HK1: variants seen among roughly 807,000 people sequenced by gnomAD.
The protein encoded by HK1 is hexokinase 1, also known as hexokinase-1.
HK1 carries 28 observed loss-of-function variants against 91.6 expected under a neutral mutation model. The ratio of observed to expected loss-of-function variants is 0.31; its 90% confidence interval spans 0.23 to 0.42. The LOEUF (loss-of-function observed/expected upper bound fraction) is 0.42. Among genes scored for constraint, HK1 ranks in the 10% least tolerant of loss-of-function variants. The pLI is 1.00. For missense variants in HK1, 770 were observed against 1,219.8 expected (o/e 0.63, Z 5.49); for synonymous variants, 430 against 468.1 (o/e 0.92, Z 1.05).
chr10:69,354,006 G>A (rs975494095), intron 2 of HK1, among the ~76,000 whole-genome samples: 3 of 152,202 alleles, frequency 2.0e-5, no homozygotes, highest in Admixed American at 6.5e-5. Flanking sequence ...ACGAGCCCTC[G>A]ACCTGTGGGA....
intron 3 of HK1, among the ~76,000 whole-genome samples, chr10:69,294,376 T>G (rs981945013): frequency 1.3e-5 from 2 of 152,168 alleles, no homozygotes; most frequent in African/African-American, 4.8e-5. Context: ...ATATGAGCTT[T>G]TCTCTTGATT....
upstream of HK1, chr10:69,316,150 G>T: frequency 1.3e-6 from 1 of 795,722 alleles, no homozygotes; most frequent in Non-Finnish European, 2.3e-6. Context: ...TGGACATGGT[G>T]GGGGCAGAGG....
At chr10:69,288,431 T>C (rs901697383) in intron 2 of HK1, among the ~76,000 whole-genome samples, 1 of 152,160 alleles carries the variant, frequency 6.6e-6, no homozygotes, top group East Asian at 1.9e-4. Context: ...CAACAGAAGC[T>C]GCAGTGAGCT....
intron 5 of HK1, among the ~76,000 whole-genome samples, chr10:69,307,027 A>C (rs1003208539): frequency 6.6e-6 from 1 of 152,152 alleles, no homozygotes; most frequent in Non-Finnish European, 1.5e-5. Context: ...AATTGAGAAG[A>C]GTAAGTTTAA....
chr10:69,287,904 T>C (rs764547908), intron 2 of HK1, among the ~76,000 whole-genome samples: 2 of 151,176 alleles, frequency 1.3e-5, no homozygotes, highest in African/African-American at 2.4e-5. Context: ...TTTGGGAGGC[T>C]GAGGCAGGGT....
chr10:69,313,607 C>T (rs867266734), upstream of HK1, among the ~76,000 whole-genome samples: 3 of 152,252 alleles, frequency 2.0e-5, no homozygotes, highest in South Asian at 2.1e-4. Flanking sequence ...GGATTACAGG[C>T]GTACACCACC....
intron 4 of HK1, chr10:69,296,476 G>C (rs1460888740): frequency 6.6e-6 from 1 of 152,096 alleles, no homozygotes. Flanking sequence ...ATAAGACTCG[G>C]TCTCCAGCCT....
At chr10:69,288,847 C>T (rs1407782525) in intron 3 of HK1, 9 of 1,247,810 alleles carry the variant, frequency 7.2e-6, no homozygotes, top group Non-Finnish European at 8.1e-6. Flanking sequence ...AGTGTAGTGG[C>T]GCGATCTCGG....
Position 69,364,838 on chromosome 10 carries a change from A to G in HK1, c.431A>G (p.Lys144Arg). The change falls in exon 4 of 18, where the codon AAG becomes AGG. Residue 144 changes from lysine to arginine, a missense_variant. Physicochemically the swap from Lys to Arg is conservative, Grantham distance 26 (BLOSUM62 2). Coordinates refer to ENST00000359426, the MANE Select transcript of HK1 (RefSeq NM_000188.3). ...LGDFMEKRKIKDKKLPVGFTF... is the reference protein window; with the variant it reads ...LGDFMEKRKIRDKKLPVGFTF... ...GATTTCATGGAGAAAAGGAAGATCA[A>G]GGACAAGAAGTTACCTGTGGGATTC... is the stretch of plus-strand genomic sequence containing the variant. 1 of 1,614,164 alleles carries G rather than the reference A, an allele frequency of 6.2e-7. No individual in the cohort carries two copies.
chr10:69,388,245 GC>G (rs771412724), intron 13 of HK1, among the ~76,000 whole-genome samples: 41 of 152,272 alleles, frequency 2.7e-4, no homozygotes, highest in Non-Finnish European at 3.8e-4. Context: ...TTGGAGACCA[GC>G]CTGGGTAACG....
chr10:69,290,025 C>T (rs1845225526), intron 3 of HK1, among the ~76,000 whole-genome samples: 1 of 152,088 alleles, frequency 6.6e-6, no homozygotes, highest in South Asian at 2.1e-4. Context: ...GTAGCGGGCT[C>T]ATTTCAAATT....
chr10:69,370,154 G>T (rs1849922907), intron 7 of HK1, among the ~76,000 whole-genome samples: 1 of 152,172 alleles, frequency 6.6e-6, no homozygotes. Context: ...ATTACACTAT[G>T]ATTGTGTCCT....
intron 1 of HK1, among the ~76,000 whole-genome samples, chr10:69,320,941 G>A (rs1846986109): frequency 6.6e-6 from 1 of 152,134 alleles, no homozygotes. Context: ...AGGTACCTGA[G>A]TGTGTGATTC....
At chr10:69,294,834 C>T (rs1468592673) in intron 3 of HK1, among the ~76,000 whole-genome samples, 1 of 151,900 alleles carries the variant, frequency 6.6e-6, no homozygotes, top group Non-Finnish European at 1.5e-5. Context: ...TGCACTCCAG[C>T]CTGGGCAACA....
At chr10:69,365,676 A>C (rs1190945488) in intron 4 of HK1, among the ~76,000 whole-genome samples, 2 of 152,088 alleles carry the variant, frequency 1.3e-5, no homozygotes, top group Non-Finnish European at 2.9e-5. Context: ...CCAGGAGTTC[A>C]AGACCAGCCT....
chr10:69,336,637 C>CTTTTTTT (rs56893382), intron 1 of HK1, among the ~76,000 whole-genome samples: 1 of 114,174 alleles, frequency 8.8e-6, no homozygotes, highest in Non-Finnish European at 1.8e-5. Context: ...TGGTAGATGC[C>CTTTTTTT]TTTTTTTTTT....
At chr10:69,344,869 C>G (rs76306429) in intron 2 of HK1, among the ~76,000 whole-genome samples, 149 of 152,262 alleles carry the variant, frequency 9.8e-4, no homozygotes, top group African/African-American at 3.3e-3. Flanking sequence ...GTGGGGCTCA[C>G]CTGCTGTAGG....
At chr10:69,272,070 G>T (rs1844200540) in intron 1 of HK1, among the ~76,000 whole-genome samples, 1 of 152,038 alleles carries the variant, frequency 6.6e-6, no homozygotes, top group South Asian at 2.1e-4. Context: ...TGCCATGTTG[G>T]CCAAGCTGGT....
intron 2 of HK1, among the ~76,000 whole-genome samples, chr10:69,352,389 C>T (rs1208036168): frequency 2.0e-5 from 3 of 152,172 alleles, no homozygotes; most frequent in African/African-American, 7.2e-5. Context: ...TTGAACAATG[C>T]CACAAAGTCG....
Sources: gnomAD v4.1 joint callset for allele counts (sites outside exome capture counted in the v4.1 genomes callset) on GRCh38, gnomAD v4.1.1 for gene constraint, MANE v1.5 for transcripts, NCBI Gene and HGNC (gene_info 2026-07-23, HGNC 2026-07-21) for gene names.